The following TPRN variants were observed in gnomAD, a reference collection of about 807,000 sequenced individuals.
TPRN encodes chromosome 9 open reading frame 75.
In TPRN, 32 loss-of-function variants were observed where a neutral mutation model predicts 42.6. The observed-to-expected ratio is 0.75, with a 90% CI of 0.57 to 1.01. The LOEUF (loss-of-function observed/expected upper bound fraction) is 1.01. TPRN is among the 50% of genes least tolerant of loss of function. TPRN has a pLI of 0.00. For synonymous variants in TPRN, 541 were observed against 445.6 expected, an observed-to-expected ratio of 1.21 and a Z score of -2.70; for missense variants, 1,095 against 957.5, an observed-to-expected ratio of 1.14 and a Z score of -1.90.
At position 137,200,279 on chromosome 9, in the gene TPRN, C is replaced by T; in HGVS notation, c.433G>A (p.Ala145Thr). The change falls in exon 1 of 4, where the codon GCG becomes ACG. Residue 145 changes from alanine (A) to threonine (T), a missense_variant. Coordinates refer to ENST00000409012, the MANE Select transcript of TPRN (RefSeq NM_001128228.3). The surrounding 1 kb of genome is among the most constrained non-coding windows in gnomAD (Gnocchi z 4.3). ...TCGGGGCTCCCGCGGCGGCGCGGCG[C>T]GGCGGGCGGGTCGAACCTCTCCAGT... ...RLLERFDPPA[A>T]PRRRGSPERA... 1 of 982,002 alleles carries T rather than the reference C, an allele frequency of 1.0e-6. No individual in the cohort carries two copies. The highest frequency in any genetic ancestry group is 1.2e-6 in the Non-Finnish European group (1 of 830,532). 60.8% of individuals were successfully genotyped at this position (982,002 alleles called of 1,614,324 possible). A position where few individuals can be genotyped will look rare whatever the true frequency, so the allele number is the denominator to read the frequency against.
intron 1 of TPRN, among the ~76,000 whole-genome samples, 179 bp downstream of exon 1, chr9:137,198,808 G>A (rs1353570388): frequency 6.6e-6 from 1 of 152,244 alleles, no homozygotes; most frequent in Non-Finnish European, 1.5e-5. Context: ...CAAGTCAGGG[G>A]GCTCCACTGG....
chr9:137,198,920 T>C, intron 1 of TPRN, 67 bp downstream of exon 1: 2 of 1,607,560 alleles, frequency 1.2e-6, no homozygotes, highest in South Asian at 2.2e-5. Flanking sequence ...GGGCAGGTGC[T>C]GCCCCCACAG....
chr9:137,192,295 G>A lies in TPRN; in HGVS notation c.2037C>T (p.Ala679=). 1.2e-6 allele frequency: 2 copies of A among 1,612,992 alleles called. No homozygotes were observed. Among genetic ancestry groups the A allele is most frequent in the Non-Finnish European group, 1.7e-6 (2 of 1,180,020 alleles). The change falls in exon 3 of 4, where the codon GCC becomes GCT. Residue 679 remains alanine (A), a synonymous_variant. Coordinates refer to ENST00000409012, the MANE Select transcript of TPRN (RefSeq NM_001128228.3). ...SKWQEQALEQ[A]PREAEPPPVE... Reference sequence around the variant, plus strand: ...CGGGCGGGGGCTCTGCCTCCCTCGGGGCCTGCTCCAGCGCCTGCTCCTGCC... The same window carrying A: ...CGGGCGGGGGCTCTGCCTCCCTCGGAGCCTGCTCCAGCGCCTGCTCCTGCC...
chr9:137,191,674 A>G lies in TPRN; in HGVS notation c.*438T>C. On this transcript the variant is annotated 3_prime_UTR_variant, in exon 4 of 4. Coordinates refer to ENST00000409012, the MANE Select transcript of TPRN (RefSeq NM_001128228.3). ...ATCAGAGGCAGGAAAGACGCCACTC[A>G]TCACAGAGGGCATGTGGGCTGCGGG... The G allele has an allele frequency of 3.1e-6, 1 of 321,214 alleles. No individual in the cohort carries two copies. Among genetic ancestry groups the G allele is most frequent in the East Asian group, 7.7e-5 (1 of 13,060 alleles). The allele number at this position is 321,214 out of a possible 1,614,324, so 19.9% of individuals were successfully genotyped here.
intron 1 of TPRN, chr9:137,193,003 C>A: frequency 2.4e-6 from 1 of 425,336 alleles, no homozygotes; most frequent in Non-Finnish European, 4.3e-6. Context: ...CATCTCAGGC[C>A]CCTCCTGCTC....
At chr9:137,195,378 C>T (rs944937671) in intron 1 of TPRN, among the ~76,000 whole-genome samples, 5 of 152,306 alleles carry the variant, frequency 3.3e-5, no homozygotes, top group East Asian at 3.9e-4. Context: ...ACCACCTAGG[C>T]GGCACCTATG....
intron 1 of TPRN, chr9:137,192,988 G>A (rs1466027394): frequency 4.3e-6 from 2 of 468,356 alleles, no homozygotes; most frequent in Non-Finnish European, 7.8e-6. Flanking sequence ...AGCTCCTGGA[G>A]CTACCATCTC....
intron 1 of TPRN, among the ~76,000 whole-genome samples, chr9:137,197,004 C>T (rs1834714213): frequency 1.3e-5 from 2 of 152,334 alleles, no homozygotes; most frequent in Admixed American, 1.3e-4. Context: ...AGCCTCTCCC[C>T]CACTGCATCT....
At position 137,199,853 on chromosome 9, in the gene TPRN, C is replaced by G; in HGVS notation, c.859G>C (p.Val287Leu). The change falls in exon 1 of 4, where the codon GTC becomes CTC. Residue 287 changes from valine to leucine, a missense_variant. Transcript: ENST00000409012. ...TCGTTGGTGCTGGTGGCTGCGGAGA[C>G]GCACTGGCGCTGGCTAGGAGTGGCA... ...ASATPSQRQC[V>L]SAATSTNDSF... 1 of 1,559,356 alleles carries G rather than the reference C, an allele frequency of 6.4e-7. No homozygotes were observed. The highest frequency in any genetic ancestry group is 1.2e-5 in the South Asian group (1 of 85,202).
intron 1 of TPRN, among the ~76,000 whole-genome samples, chr9:137,197,160 G>A (rs1184477231): frequency 1.3e-5 from 2 of 152,244 alleles, no homozygotes; most frequent in East Asian, 1.9e-4. Flanking sequence ...GTGCAATGGC[G>A]CGATCTCGGC....
At position 137,200,499 on chromosome 9, in the gene TPRN, G is replaced by A. The variant is rs1834792333; in HGVS notation, c.213C>T (p.Gly71=). The A allele has an allele frequency of 1.7e-6, 2 of 1,146,236 alleles. No homozygotes were observed. The highest frequency in any genetic ancestry group is 2.8e-5 in the South Asian group (1 of 36,130). The allele number at this position is 1,146,236 out of a possible 1,614,324, so 71.0% of individuals were successfully genotyped here. ...GCAGCCGCGCCCCCGCCGCGCCCCC[G>A]CCGCGCCGCCGCTCGGCCTCCAGCA... ...FMLLEAERRR[G]GGAAGARLLE... is the part of the protein sequence containing the mutation. The change falls in exon 1 of 4, where the codon GGC becomes GGT. Residue 71 remains glycine, a synonymous_variant. Coordinates refer to ENST00000409012, the MANE Select transcript of TPRN (RefSeq NM_001128228.3). This position sits in a 1 kb window ranked among gnomAD's most constrained non-coding sequence, Gnocchi z 4.3.
chr9:137,200,484 C>T lies in TPRN; in HGVS notation c.228G>A (p.Gly76=), dbSNP rs1022061209. ...GGCGGTACCGCTCCAGCAGCCGCGCCCCCGCCGCGCCCCCGCCGCGCCGCC... is the reference window on the plus strand; with the variant it reads ...GGCGGTACCGCTCCAGCAGCCGCGCTCCCGCCGCGCCCCCGCCGCGCCGCC... ...AERRRGGGAA[G]ARLLERYRRV... The change falls in exon 1 of 4, where the codon GGG becomes GGA. Residue 76 remains glycine (G), a synonymous_variant. Coordinates refer to ENST00000409012, the MANE Select transcript of TPRN (RefSeq NM_001128228.3). The surrounding 1 kb of genome is among the most constrained non-coding windows in gnomAD (Gnocchi z 4.3). 5 of 1,127,828 alleles carry T rather than the reference C, an allele frequency of 4.4e-6. No individual in the cohort carries two copies. The highest frequency in any genetic ancestry group is 5.4e-6 in the Non-Finnish European group (5 of 921,856). 69.9% of individuals were successfully genotyped at this position (1,127,828 alleles called of 1,614,324 possible).
chr9:137,199,624 G>C lies in TPRN; in HGVS notation c.1088C>G (p.Pro363Arg), dbSNP rs1377024587. The change falls in exon 1 of 4, where the codon CCG becomes CGG. Residue 363 changes from proline (P) to arginine (R), a missense_variant. Physicochemically the swap from Pro to Arg is moderately radical, Grantham distance 103 (BLOSUM62 -2). Coordinates refer to ENST00000409012, the MANE Select transcript of TPRN (RefSeq NM_001128228.3). ...CGGCTGGGATCCGAGCTCCTGGCTC[G>C]GGGAGGCCGGGCCCAGGTCTCCCTT... ...LPKGDLGPAS[P>R]SQELGSQPVP... The C allele has an allele frequency of 1.9e-6, 3 of 1,561,596 alleles. No individual in the cohort carries two copies. Among genetic ancestry groups the C allele is most frequent in the South Asian group, 2.3e-5 (2 of 85,584 alleles).
At position 137,192,024 on chromosome 9, in the gene TPRN, G is replaced by A; in HGVS notation, c.*88C>T. The A allele has an allele frequency of 6.6e-7, 1 of 1,520,632 alleles. No homozygotes were observed. Among genetic ancestry groups the A allele is most frequent in the African/African-American group, 1.4e-5 (1 of 73,298 alleles). The allele number at this position is 1,520,632 out of a possible 1,614,324, so 94.2% of individuals were successfully genotyped here. ...GTGGGATACAGTGAGGCCAAACAAG[G>A]CAGAAGCGGGTGCAGTAGTCCCTGG... On this transcript the variant is annotated 3_prime_UTR_variant, in exon 4 of 4. Transcript: ENST00000409012.
intron 1 of TPRN, among the ~76,000 whole-genome samples, chr9:137,197,951 C>T (rs904896140): frequency 1.3e-5 from 2 of 152,146 alleles, no homozygotes; most frequent in East Asian, 1.9e-4. Flanking sequence ...CAGGGAGAGG[C>T]GCAATGCCAA....
rs1168016702 is a variant in TPRN at position 137,199,436 on chromosome 9, C to G, written c.1276G>C (p.Ala426Pro). The G allele has an allele frequency of 6.2e-7, 1 of 1,610,838 alleles. No individual in the cohort carries two copies. Among genetic ancestry groups the G allele is most frequent in the African/African-American group, 1.3e-5 (1 of 75,044 alleles). The change falls in exon 1 of 4, where the codon GCT (alanine) becomes CCT (proline). Residue 426 changes from alanine (A) to proline (P), a missense_variant. Transcript: ENST00000409012. ...TCAGCAGGCTCAGCTTCTTCCGAAGCAGCCGGCAGGAAGGGGGGCGGTGAG... is the reference window on the plus strand; with the variant it reads ...TCAGCAGGCTCAGCTTCTTCCGAAGGAGCCGGCAGGAAGGGGGGCGGTGAG... ...PSSPPPFLPA[A>P]SEEAEPAEGL...
Position 137,192,718 on chromosome 9 carries a change from G to A in TPRN, c.1726-27C>T, listed in dbSNP as rs763616287. ...TGGGAGTGAGAGTCACGTGAACGAG[G>A]GCTGAGGGCCCACATGGGCACAGTG... On this transcript the variant is annotated intron_variant, in intron 1 of 3. Coordinates refer to ENST00000409012, the MANE Select transcript of TPRN (RefSeq NM_001128228.3). 10 of 1,611,552 alleles carry A rather than the reference G, an allele frequency of 6.2e-6. No homozygotes were observed. In the African/African-American group the frequency reaches 1.2e-4, roughly 19 times the overall value.
At position 137,192,637 on chromosome 9, in the gene TPRN, C is replaced by T. The variant is rs1455502030; in HGVS notation, c.1780G>A (p.Glu594Lys). The T allele has an allele frequency of 1.7e-5, 28 of 1,613,746 alleles. No homozygotes were observed. The highest frequency in any genetic ancestry group is 2.3e-5 in the Non-Finnish European group (27 of 1,180,010). Residue 594 changes from glutamate (E) to lysine (K), a missense_variant, in exon 2 of 4, where the codon GAG becomes AAG. Coordinates refer to ENST00000409012, the MANE Select transcript of TPRN (RefSeq NM_001128228.3). ...SLQTTFEYPS[E>K]SSLEQEEEVD... Reference sequence around the variant, plus strand: ...TCTTCCTCCTGCTCTAGGGAGCTCTCGGAAGGGTACTCAAATGTGGTCTGC... The same window carrying T: ...TCTTCCTCCTGCTCTAGGGAGCTCTTGGAAGGGTACTCAAATGTGGTCTGC...
Position 137,200,103 on chromosome 9 carries a change from G to A in TPRN, c.609C>T (p.Asn203=), listed in dbSNP as rs546101231. 4.5e-3 allele frequency: 5,889 copies of A among 1,310,572 alleles called. 12 individuals carry two copies. Among genetic ancestry groups the A allele is most frequent in the South Asian group, 0.012 (538 of 43,314 alleles). The allele number at this position is 1,310,572 out of a possible 1,614,324, so 81.2% of individuals were successfully genotyped here. The change falls in exon 1 of 4, where the codon AAC becomes AAT. Residue 203 remains asparagine (N), a synonymous_variant. Transcript: ENST00000409012. This position sits in a 1 kb window ranked among gnomAD's most constrained non-coding sequence, Gnocchi z 4.3. ...RSDFLQKTGS[N]SFTVHPRGLH... ...GACCCCGGGGGTGGACGGTGAAGGA[G>A]TTGCTGCCGGTCTTCTGGAGGAAGT...
Sources: allele counts gnomAD v4.1 joint callset (sites outside exome capture counted in the v4.1 genomes callset), GRCh38; gene constraint gnomAD v4.1.1; non-coding constraint Gnocchi (gnomAD v3.1); transcripts MANE v1.5; gene names NCBI Gene and HGNC (gene_info 2026-07-23, HGNC 2026-07-21).